MYO6: variants seen among roughly 807,000 people sequenced by gnomAD.
The protein encoded by MYO6 is myosin VI, also known as unconventional myosin-VI.
MYO6 carries 74 observed loss-of-function variants against 178.7 expected under a neutral mutation model. The ratio of observed to expected loss-of-function variants is 0.41; its 90% confidence interval spans 0.34 to 0.50. MYO6 has a LOEUF of 0.50. Among genes scored for constraint, MYO6 ranks in the 20% least tolerant of loss-of-function variants. MYO6 has a pLI of 0.09. For missense variants in MYO6, 1,330 were observed against 1,547.4 expected (o/e 0.86, Z 2.36); for synonymous variants, 477 against 504.6 (o/e 0.95, Z 0.73).
Position 75,919,390 on chromosome 6 carries a change from G to A in MYO6, c.*4378G>A. On this transcript the variant is annotated 3_prime_UTR_variant, in exon 35 of 35. Coordinates refer to ENST00000369977, the MANE Select transcript of MYO6 (RefSeq NM_004999.4). ...CCTTTAAATCACAGGCTTATTAGTTGGGTGTTTTCTTTTTACTTATGAAAA... is the reference window on the plus strand; with the variant it reads ...CCTTTAAATCACAGGCTTATTAGTTAGGTGTTTTCTTTTTACTTATGAAAA... 6.6e-6 allele frequency: 1 copy of A among 152,386 alleles called. No individual in the cohort carries two copies. Among genetic ancestry groups the A allele is most frequent in the Non-Finnish European group, 1.5e-5 (1 of 68,012 alleles). The allele number at this position is 152,386 out of a possible 1,614,324, so 9.4% of individuals were successfully genotyped here. A position where few individuals can be genotyped will look rare whatever the true frequency, so the allele number is the denominator to read the frequency against.
chr6:75,877,973 T>C (rs75070776), intron 20 of MYO6, among the ~76,000 whole-genome samples: 2,490 of 152,260 alleles, frequency 0.016, 70 homozygotes, highest in African/African-American at 0.057. Context: ...GTTTATTTGA[T>C]ACAAGTGGGC....
intron 16 of MYO6, among the ~76,000 whole-genome samples, chr6:75,864,658 T>G (rs755799332): frequency 6.6e-6 from 1 of 152,160 alleles, no homozygotes; most frequent in Non-Finnish European, 1.5e-5. Context: ...GTCACGAGTG[T>G]CTCAGAGGCA....
intron 1 of MYO6, among the ~76,000 whole-genome samples, chr6:75,788,922 T>C (rs376722138): frequency 6.6e-6 from 1 of 152,222 alleles, no homozygotes; most frequent in East Asian, 1.9e-4. Flanking sequence ...TAAGCGTTTG[T>C]CATGCTATTA....
intron 23 of MYO6, among the ~76,000 whole-genome samples, chr6:75,884,900 G>C (rs1778309687): frequency 1.3e-5 from 2 of 152,184 alleles, no homozygotes; most frequent in African/African-American, 4.8e-5. Context: ...GATTCATGCA[G>C]CTGGAGGCTG....
chr6:75,822,828 G>A lies in MYO6; in HGVS notation c.164G>A (p.Ser55Asn). ...CAAGTGTTTCCTGCAGAAGAGGACA[G>A]TAAAAAAGATGTGGAAGATAACTGT... is the stretch of plus-strand genomic sequence containing the variant. Reference protein sequence around the residue: ...INQVFPAEEDSKKDVEDNCSL... With the variant: ...INQVFPAEEDNKKDVEDNCSL... The change falls in exon 3 of 35, where the codon AGT becomes AAT. Residue 55 changes from serine (S) to asparagine (N), a missense_variant. Physicochemically the swap from Ser to Asn is conservative, Grantham distance 46. This residue lies in a region of MYO6 where 116 missense variants were observed against 104.6 expected (regional missense o/e 1.11). Coordinates refer to ENST00000369977, the MANE Select transcript of MYO6 (RefSeq NM_004999.4). 6.2e-7 allele frequency: 1 copy of A among 1,613,258 alleles called. No homozygotes were observed. Among genetic ancestry groups the A allele is most frequent in the Non-Finnish European group, 8.5e-7 (1 of 1,179,500 alleles).
intron 3 of MYO6, among the ~76,000 whole-genome samples, chr6:75,824,523 A>G (rs575970673): frequency 2.6e-5 from 4 of 152,308 alleles, no homozygotes; most frequent in Non-Finnish European, 5.9e-5. Context: ...ACACAAAGCT[A>G]TAGTGGTAGC....
chr6:75,759,020 C>T (rs1777723158), intron 1 of MYO6, among the ~76,000 whole-genome samples: 1 of 151,914 alleles, frequency 6.6e-6, no homozygotes, highest in South Asian at 2.1e-4. Context: ...CAGGCATGTG[C>T]CACCATGCCC....
At chr6:75,889,984 G>T in intron 25 of MYO6, 73 bp from the exon 26 acceptor site, 7 of 1,012,096 alleles carry the variant, frequency 6.9e-6, no homozygotes, top group East Asian at 2.6e-5. Context: ...ATTCAGTATT[G>T]TTAAGTATAT....
At position 75,855,224 on chromosome 6, in the gene MYO6, A is replaced by G; in HGVS notation, c.1164A>G (p.Val388=). ...GTTTGGACCAAGATGATCTTCGAGTAAGTTTGACCACAAGAGTCATGCTAA... is the reference window on the plus strand; with the variant it reads ...GTTTGGACCAAGATGATCTTCGAGTGAGTTTGACCACAAGAGTCATGCTAA... The part of the protein sequence containing the change: ...LLGLDQDDLR[V]SLTTRVMLTT... Residue 388 remains valine (V), a synonymous_variant, in exon 12 of 35, where the codon GTA becomes GTG. Transcript: ENST00000369977. 6.2e-7 allele frequency: 1 copy of G among 1,613,710 alleles called. No homozygotes were observed. The highest frequency in any genetic ancestry group is 8.5e-7 in the Non-Finnish European group (1 of 1,179,710).
Position 75,841,267 on chromosome 6 carries a change from C to T in MYO6, c.705C>T (p.Ile235=). The part of the protein sequence containing the change: ...VSHYLLEKSR[I]CVQGKEERNY... ...ATTATCTCCTAGAGAAATCTAGGAT[C>T]TGTGTTCAAGGCAAAGAGGAAAGAA... Residue 235 remains isoleucine, a synonymous_variant, in exon 9 of 35, where the codon ATC becomes ATT. Coordinates refer to ENST00000369977, the MANE Select transcript of MYO6 (RefSeq NM_004999.4). 1 of 1,613,828 alleles carries T rather than the reference C, an allele frequency of 6.2e-7. No individual in the cohort carries two copies. Among genetic ancestry groups the T allele is most frequent in the African/African-American group, 1.3e-5 (1 of 74,988 alleles).
At position 75,829,621 on chromosome 6, in the gene MYO6, A is replaced by C. The variant is rs561293951; in HGVS notation, c.262-795A>C. 1.2e-3 allele frequency among the ~76,000 whole-genome samples: 146 copies of C among 124,706 alleles called. 1 individual carries two copies. Among genetic ancestry groups the C allele is most frequent in the African/African-American group, 4.6e-3 (134 of 29,216 alleles). The allele number at this position is 124,706 out of a possible 152,430, so 81.8% of individuals were successfully genotyped here. ...CCATCTTCTAGTTATATGTAGTTTT[A>C]AGACTTTTCTCCCTGATTTTTTCAA... On this transcript the variant is annotated intron_variant, in intron 4 of 34. Transcript: ENST00000369977.
rs752318101 is a variant in MYO6 at position 75,841,296 on chromosome 6, A to T, written c.734A>T (p.Tyr245Phe). ...GTTCAAGGCAAAGAGGAAAGAAATT[A>T]TCATATCTTTTATAGGTTGTGTGCT... Reference protein sequence around the residue: ...ICVQGKEERNYHIFYRLCAGA... With the variant: ...ICVQGKEERNFHIFYRLCAGA... The change falls in exon 9 of 35, where the codon TAT becomes TTT. Residue 245 changes from tyrosine to phenylalanine, a missense_variant. Around this residue, in one of 3 missense-constraint regions of MYO6, gnomAD observed 613 missense variants for 816.8 expected, o/e 0.75. Coordinates refer to ENST00000369977, the MANE Select transcript of MYO6 (RefSeq NM_004999.4). The T allele has an allele frequency of 6.2e-7, 1 of 1,614,048 alleles. No individual in the cohort carries two copies. The highest frequency in any genetic ancestry group is 8.5e-7 in the Non-Finnish European group (1 of 1,179,916).
At chr6:75,770,380 T>C (rs1436745743) in intron 1 of MYO6, among the ~76,000 whole-genome samples, 6 of 152,234 alleles carry the variant, frequency 3.9e-5, no homozygotes, top group Admixed American at 3.9e-4. Flanking sequence ...AGATACCTAG[T>C]TGAAAACAGC....
At chr6:75,770,137 C>G (rs1765727781) in intron 1 of MYO6, among the ~76,000 whole-genome samples, 1 of 152,188 alleles carries the variant, frequency 6.6e-6, no homozygotes, top group South Asian at 2.1e-4. Context: ...TGCTTCTGCT[C>G]TCACCATGTA....
intron 31 of MYO6, among the ~76,000 whole-genome samples, chr6:75,907,975 T>C (rs1273921428): frequency 2.0e-5 from 3 of 152,220 alleles, no homozygotes; most frequent in African/African-American, 7.2e-5. Context: ...CACATAGTTA[T>C]GTTCTTATTT....
At chr6:75,898,340 T>C in intron 29 of MYO6, 33 bp from the exon 30 acceptor site, 1 of 1,488,786 alleles carries the variant, frequency 6.7e-7, no homozygotes, top group Non-Finnish European at 9.4e-7. Flanking sequence ...ATGACTTTTA[T>C]GTAACCATAT....
At chr6:75,761,894 T>C (rs1290996198) in intron 1 of MYO6, among the ~76,000 whole-genome samples, 3 of 151,906 alleles carry the variant, frequency 2.0e-5, no homozygotes, top group Non-Finnish European at 4.4e-5. Flanking sequence ...ATTGAATGAG[T>C]GATCTAAAAT....
intron 1 of MYO6, among the ~76,000 whole-genome samples, chr6:75,774,026 T>C (rs990900256): frequency 1.3e-5 from 2 of 152,326 alleles, no homozygotes; most frequent in African/African-American, 4.8e-5. Context: ...AATTTATGGT[T>C]GTTGTTTCTC....
chr6:75,809,068 C>T (rs1770408070), intron 1 of MYO6, among the ~76,000 whole-genome samples: 1 of 152,214 alleles, frequency 6.6e-6, no homozygotes, highest in South Asian at 2.1e-4. Flanking sequence ...ACATGAGCCT[C>T]AGCGAGATGA....
Sources: allele counts gnomAD v4.1 joint callset (sites outside exome capture counted in the v4.1 genomes callset), GRCh38; gene constraint gnomAD v4.1.1; regional missense constraint gnomAD v4.1.1; transcripts MANE v1.5; gene names NCBI Gene and HGNC (gene_info 2026-07-23, HGNC 2026-07-21).